Variants in KCNIP4 observed in about 807,000 individuals in gnomAD.
KCNIP4 encodes the protein Kv channel-interacting protein 4.
Under a neutral mutation model 34.0 loss-of-function variants are expected in KCNIP4, and 12 were observed. The observed-to-expected ratio is 0.35, with a 90% CI of 0.23 to 0.57. The LOEUF (loss-of-function observed/expected upper bound fraction) is 0.57, where lower values mean the gene tolerates loss of function less well. KCNIP4 is among the 20% of genes least tolerant of loss of function. The pLI is 0.83. For missense variants in KCNIP4, 238 were observed against 311.7 expected (o/e 0.76, Z 1.78); for synonymous variants, 124 against 102.2 (o/e 1.21, Z -1.29).
intron 1 of KCNIP4, among the ~76,000 whole-genome samples, chr4:21,454,406 C>A (rs1221274730): frequency 6.6e-6 from 1 of 152,016 alleles, no homozygotes; most frequent in Non-Finnish European, 1.5e-5. Flanking sequence ...TTGAGAAGGC[C>A]GTGAGAGAGG....
At chr4:20,846,303 G>A (rs1267056244) in intron 3 of KCNIP4, among the ~76,000 whole-genome samples, 3 of 152,104 alleles carry the variant, frequency 2.0e-5, no homozygotes, top group Admixed American at 2.0e-4. Flanking sequence ...GGAAGACTAG[G>A]TTATATATTA....
chr4:21,203,231 G>A (rs1053128062), intron 1 of KCNIP4, among the ~76,000 whole-genome samples: 18 of 152,162 alleles, frequency 1.2e-4, no homozygotes, highest in African/African-American at 4.1e-4. Flanking sequence ...GGACAGGCAG[G>A]TCTCACCTTG....
At chr4:21,042,481 G>C (rs1310566233) in intron 1 of KCNIP4, among the ~76,000 whole-genome samples, 2 of 152,148 alleles carry the variant, frequency 1.3e-5, no homozygotes, top group African/African-American at 4.8e-5. Context: ...CTAAAAAGTT[G>C]CTTTCATAGA....
At chr4:21,139,156 CTTAT>C (rs1751741071) in intron 1 of KCNIP4, among the ~76,000 whole-genome samples, 2 of 152,096 alleles carry the variant, frequency 1.3e-5, no homozygotes, top group Non-Finnish European at 2.9e-5. Context: ...CACTAAGACT[CTTAT>C]TTATTTATGA....
At chr4:21,474,479 TG>T (rs1262353280) in intron 1 of KCNIP4, among the ~76,000 whole-genome samples, 1 of 152,198 alleles carries the variant, frequency 6.6e-6, no homozygotes, top group Admixed American at 6.6e-5. Context: ...GGACATTCTT[TG>T]TAACACTGAA....
intron 1 of KCNIP4, among the ~76,000 whole-genome samples, chr4:21,325,226 T>C (rs1419830895): frequency 6.6e-6 from 1 of 151,842 alleles, no homozygotes; most frequent in African/African-American, 2.4e-5. Flanking sequence ...GCGAAGCCAG[T>C]GGGTCCTGGG....
chr4:21,590,014 G>A (rs1742065696), intron 1 of KCNIP4, among the ~76,000 whole-genome samples: 1 of 151,934 alleles, frequency 6.6e-6, no homozygotes, highest in Non-Finnish European at 1.5e-5. Context: ...ATTAAGGAAG[G>A]GCAAATCAGA....
At chr4:21,552,212 GA>G (rs982534037) in intron 1 of KCNIP4, among the ~76,000 whole-genome samples, 4 of 151,780 alleles carry the variant, frequency 2.6e-5, no homozygotes, top group African/African-American at 9.7e-5. Context: ...CATTCATTTG[GA>G]AAAAAATGCA....
At chr4:21,707,105 C>T (rs145385547) in intron 1 of KCNIP4, among the ~76,000 whole-genome samples, 1 of 152,268 alleles carries the variant, frequency 6.6e-6, no homozygotes, top group African/African-American at 2.4e-5. Context: ...AGGAAGTCCT[C>T]CTTTAGTGTG....
intron 1 of KCNIP4, among the ~76,000 whole-genome samples, chr4:21,743,937 T>C (rs145279294): frequency 6.6e-6 from 1 of 151,898 alleles, no homozygotes; most frequent in African/African-American, 2.4e-5. Context: ...ATGCTTTGCC[T>C]GATTACTCCA....
intron 1 of KCNIP4, among the ~76,000 whole-genome samples, chr4:21,034,036 CAAGT>C (rs775256872): frequency 6.6e-5 from 10 of 151,494 alleles, no homozygotes; most frequent in Non-Finnish European, 1.3e-4. Context: ...TTTGATTTTC[CAAGT>C]AATTAATATT....
intron 1 of KCNIP4, among the ~76,000 whole-genome samples, chr4:21,101,257 G>A (rs78351271): frequency 1.3e-5 from 2 of 152,016 alleles, no homozygotes; most frequent in Non-Finnish European, 2.9e-5. Flanking sequence ...TGGCCTCCAG[G>A]TCTCTCCATG....
intron 3 of KCNIP4, among the ~76,000 whole-genome samples, chr4:20,805,824 A>G (rs1715005864): frequency 1.3e-5 from 2 of 152,150 alleles, no homozygotes; most frequent in African/African-American, 4.8e-5. Flanking sequence ...TTTCAATTTC[A>G]TCTCCTTACC....
At chr4:20,899,711 CTGAA>C (rs1267086308) in intron 1 of KCNIP4, among the ~76,000 whole-genome samples, 2 of 152,158 alleles carry the variant, frequency 1.3e-5, no homozygotes, top group Admixed American at 1.3e-4. Context: ...AGCTGGCTGG[CTGAA>C]TGAATGGTGA....
intron 1 of KCNIP4, among the ~76,000 whole-genome samples, chr4:21,029,221 A>G (rs1220190052): frequency 1.3e-5 from 2 of 152,194 alleles, no homozygotes; most frequent in African/African-American, 4.8e-5. Flanking sequence ...AAGTGAAGAC[A>G]GTATAGAGAC....
chr4:21,251,995 AAAACTT>A (rs1383002887), intron 1 of KCNIP4, among the ~76,000 whole-genome samples: 1 of 151,948 alleles, frequency 6.6e-6, no homozygotes, highest in Non-Finnish European at 1.5e-5. Context: ...CATGTACCCT[AAAACTT>A]AAAGTATAAT....
At chr4:20,908,972 G>A (rs1305043441) in intron 1 of KCNIP4, among the ~76,000 whole-genome samples, 2 of 152,136 alleles carry the variant, frequency 1.3e-5, no homozygotes, top group Non-Finnish European at 2.9e-5. Flanking sequence ...AGTAAACTGT[G>A]ACAATTGGCA....
At chr4:21,387,594 A>C (rs1461054066) in intron 1 of KCNIP4, among the ~76,000 whole-genome samples, 1 of 152,152 alleles carries the variant, frequency 6.6e-6, no homozygotes, top group Non-Finnish European at 1.5e-5. Flanking sequence ...AACAACGCAC[A>C]CTATTAAATT....
chr4:21,445,309 T>C (rs1386940467), intron 1 of KCNIP4, among the ~76,000 whole-genome samples: 3 of 152,324 alleles, frequency 2.0e-5, no homozygotes, highest in African/African-American at 7.2e-5. Flanking sequence ...AGAGCCTGCA[T>C]TGCCAAGTTA....
Sources: allele counts gnomAD v4.1 joint callset (sites outside exome capture counted in the v4.1 genomes callset), GRCh38; gene constraint gnomAD v4.1.1; transcripts MANE v1.5; gene names NCBI Gene and HGNC (gene_info 2026-07-23, HGNC 2026-07-21).